Variants in USP12 observed in about 807,000 individuals in gnomAD.
USP12 encodes ubiquitin specific peptidase 12.
A neutral mutation model predicts 45.5 loss-of-function variants in USP12; 19 were observed. The ratio of observed to expected loss-of-function variants is 0.42; its 90% CI spans 0.29 to 0.61. The LOEUF (loss-of-function observed/expected upper bound fraction) is 0.61. Ranked by LOEUF, USP12 falls within the 20% of genes least tolerant of loss-of-function variation. USP12 has a pLI of 0.22. For missense variants in USP12, 242 were observed against 447.7 expected, an observed-to-expected ratio of 0.54 and a Z score of 4.15; for synonymous variants, 149 against 148.8, an observed-to-expected ratio of 1.00 and a Z score of -0.01.
At chr13:27,112,421 C>T (rs1443307626) in intron 2 of USP12, among the ~76,000 whole-genome samples, 2 of 151,490 alleles carry the variant, frequency 1.3e-5, no homozygotes, top group East Asian at 3.9e-4. Flanking sequence ...GTAACTGGGA[C>T]CTCAGGCACT....
chr13:27,154,953 G>A (rs1877749879), intron 1 of USP12, among the ~76,000 whole-genome samples: 1 of 151,726 alleles, frequency 6.6e-6, no homozygotes, highest in African/African-American at 2.4e-5. Context: ...CAGCATCCAG[G>A]TGGCAAAGGC....
intron 2 of USP12, among the ~76,000 whole-genome samples, chr13:27,112,897 G>A (rs570401396): frequency 4.3e-4 from 66 of 152,248 alleles, no homozygotes; most frequent in Middle Eastern, 3.4e-3. Flanking sequence ...TTCATTTGGA[G>A]ACTACTAGTT....
At chr13:27,069,819 T>C (rs1475458922) in intron 8 of USP12, among the ~76,000 whole-genome samples, 1 of 152,120 alleles carries the variant, frequency 6.6e-6, no homozygotes, top group Non-Finnish European at 1.5e-5. Context: ...TGTTGGCGCA[T>C]GCCTGTAATC....
intron 6 of USP12, among the ~76,000 whole-genome samples, chr13:27,076,773 T>C (rs1167977784): frequency 3.3e-5 from 5 of 152,306 alleles, no homozygotes; most frequent in Admixed American, 3.3e-4. Flanking sequence ...TATAACATTA[T>C]ACTAAATCTG....
At chr13:27,087,099 CTGTG>C (rs72206222) in intron 6 of USP12, among the ~76,000 whole-genome samples, 422 of 147,128 alleles carry the variant, frequency 2.9e-3, no homozygotes, top group Non-Finnish European at 4.7e-3. Context: ...GGGGAAGGGG[CTGTG>C]TGTGTGTGTG....
At chr13:27,150,771 G>A (rs555683241) in intron 1 of USP12, among the ~76,000 whole-genome samples, 1 of 152,276 alleles carries the variant, frequency 6.6e-6, no homozygotes, top group East Asian at 1.9e-4. Flanking sequence ...TGATCAACTG[G>A]TTTTCAACAA....
At chr13:27,148,031 A>C (rs895911215) in intron 1 of USP12, among the ~76,000 whole-genome samples, 1 of 151,296 alleles carries the variant, frequency 6.6e-6, no homozygotes, top group Non-Finnish European at 1.5e-5. Flanking sequence ...CAGGAGACTG[A>C]GGTGGGAGAA....
At chr13:27,130,803 C>T (rs1324923598) in intron 1 of USP12, among the ~76,000 whole-genome samples, 5 of 152,152 alleles carry the variant, frequency 3.3e-5, no homozygotes, top group African/African-American at 1.2e-4. Flanking sequence ...AGAACCATTT[C>T]TGCAGGGATC....
intron 6 of USP12, among the ~76,000 whole-genome samples, chr13:27,088,995 C>T (rs1285956258): frequency 6.6e-6 from 1 of 151,616 alleles, no homozygotes; most frequent in Non-Finnish European, 1.5e-5. Flanking sequence ...AATCTAATCA[C>T]AGGAAAACGA....
At chr13:27,074,669 TA>T (rs1300285861) in intron 7 of USP12, among the ~76,000 whole-genome samples, 1 of 152,202 alleles carries the variant, frequency 6.6e-6, no homozygotes, top group Non-Finnish European at 1.5e-5. Flanking sequence ...TATAGGTATG[TA>T]CGTTCATACA....
intron 1 of USP12, among the ~76,000 whole-genome samples, chr13:27,150,580 C>G (rs1877522263): frequency 6.6e-6 from 1 of 152,184 alleles, no homozygotes; most frequent in Non-Finnish European, 1.5e-5. Context: ...TGGAAACTGA[C>G]AAGCTGATTC....
chr13:27,111,026 G>T (rs1032294906), intron 2 of USP12, among the ~76,000 whole-genome samples: 1 of 152,180 alleles, frequency 6.6e-6, no homozygotes, highest in Non-Finnish European at 1.5e-5. Context: ...TCTCTATTTT[G>T]TAGACTACTG....
intron 1 of USP12, among the ~76,000 whole-genome samples, chr13:27,159,872 T>C (rs1566007867): frequency 6.6e-6 from 1 of 152,190 alleles, no homozygotes; most frequent in Non-Finnish European, 1.5e-5. Flanking sequence ...ACTGAAATGG[T>C]ATAATAACTA....
intron 1 of USP12, among the ~76,000 whole-genome samples, chr13:27,141,791 A>G (rs1034235596): frequency 1.3e-5 from 2 of 152,172 alleles, no homozygotes; most frequent in African/African-American, 4.8e-5. Context: ...TGAAAATCTG[A>G]ACTCCAAAAT....
intron 1 of USP12, among the ~76,000 whole-genome samples, chr13:27,117,227 T>C (rs903699136): frequency 6.6e-6 from 1 of 152,208 alleles, no homozygotes; most frequent in African/African-American, 2.4e-5. Context: ...TAACATGTTC[T>C]TTTTTTCTAA....
At chr13:27,163,253 T>C (rs1878194549) in intron 1 of USP12, among the ~76,000 whole-genome samples, 1 of 152,186 alleles carries the variant, frequency 6.6e-6, no homozygotes, top group Non-Finnish European at 1.5e-5. Context: ...CAATACTTGG[T>C]AAACTCCTGG....
chr13:27,148,706 T>C (rs1248137008), intron 1 of USP12, among the ~76,000 whole-genome samples: 1 of 139,108 alleles, frequency 7.2e-6, no homozygotes, highest in African/African-American at 2.7e-5. Context: ...TAAATAATAA[T>C]AACAGCACAA....
At chr13:27,086,197 A>ATATATATATATAT (rs869248837) in intron 6 of USP12, among the ~76,000 whole-genome samples, 2 of 56,936 alleles carry the variant, frequency 3.5e-5, no homozygotes, top group East Asian at 1.3e-3. Flanking sequence ...AAAAAAAAAA[A>ATATATATATATAT]ATATATATAT....
chr13:27,156,728 G>A (rs2137838150), intron 1 of USP12, among the ~76,000 whole-genome samples: 1 of 152,306 alleles, frequency 6.6e-6, no homozygotes, highest in Non-Finnish European at 1.5e-5. Context: ...GGCTAAGGCA[G>A]GAAGAATTGC....
Sources: allele counts gnomAD v4.1 joint callset (sites outside exome capture counted in the v4.1 genomes callset), GRCh38; gene constraint gnomAD v4.1.1; transcripts MANE v1.5; gene names NCBI Gene and HGNC (gene_info 2026-07-23, HGNC 2026-07-21).